The following ACLY variants were observed in gnomAD, a reference collection of about 807,000 sequenced individuals.
ACLY encodes ATP citrate lyase, also known as ATP-citrate synthase.
In ACLY, 41 loss-of-function variants were observed where a neutral mutation model predicts 133.0. That is an observed-to-expected ratio of 0.31 (90% CI 0.24 to 0.40). The LOEUF (loss-of-function observed/expected upper bound fraction) is 0.40. Ranked by LOEUF, ACLY falls within the 10% of genes least tolerant of loss-of-function variation. The pLI is 1.00. For missense variants in ACLY, 1,046 were observed against 1,453.8 expected (o/e 0.72, Z 4.56); for synonymous variants, 495 against 549.3 (o/e 0.90, Z 1.38).
At chr17:41,923,183 T>A (rs959766612), upstream of ACLY, among the ~76,000 whole-genome samples, 2 of 152,112 alleles carry the variant, frequency 1.3e-5, no homozygotes, top group African/African-American at 4.8e-5. Flanking sequence ...AAATAAAAAA[T>A]AAAATAAAAG....
chr17:41,919,043 T>C (rs1237774337), upstream of ACLY: 1 of 1,282,602 alleles, frequency 7.8e-7, no homozygotes, highest in Non-Finnish European at 1.0e-6. Flanking sequence ...GCCCCGCGAT[T>C]GGCCACACGC....
chr17:41,920,631 G>T (rs950532219), upstream of ACLY, among the ~76,000 whole-genome samples: 4 of 149,616 alleles, frequency 2.7e-5, no homozygotes, highest in Admixed American at 6.7e-5. Context: ...TCCAGGCAAG[G>T]CATGCTGTCT....
intron 7 of ACLY, 112 bp from the exon 8 acceptor site, chr17:41,906,758 G>A (rs1487071714): frequency 1.0e-6 from 1 of 992,476 alleles, no homozygotes; most frequent in East Asian, 2.4e-5. Context: ...TGCCTTAATG[G>A]GGTGGGAAGA....
chr17:41,889,524 CAAAAAAAAAAA>C (rs533387140), intron 16 of ACLY, among the ~76,000 whole-genome samples: 25 of 31,604 alleles, frequency 7.9e-4, no homozygotes, highest in South Asian at 2.5e-3. Flanking sequence ...CTCCATTTCA[CAAAAAAAAAAA>C]AAAAAAAAAA....
chr17:41,906,522 G>A lies in ACLY; in HGVS notation c.866+6C>T, dbSNP rs112635514. On this transcript the variant is annotated splice_donor_region_variant and intron_variant, in intron 8 of 28. Transcript: ENST00000352035. The stretch of plus-strand genomic sequence containing the variant: ...TGGCATCCCTTCAGCAACCCCCTTC[G>A]GTCACCTGTACACGACAGAGGCGCC... 5.4e-4 allele frequency: 869 copies of A among 1,612,874 alleles called. 1 individual carries two copies. The highest frequency in any genetic ancestry group is 6.6e-4 in the Non-Finnish European group (778 of 1,179,184).
chr17:41,880,610 A>G lies in ACLY; in HGVS notation c.2266-1686T>C, dbSNP rs564715391. Among the ~76,000 whole-genome samples the G allele has an allele frequency of 5.3e-5, 8 of 152,310 alleles. No homozygotes were observed. The South Asian group carries it at 1.7e-3, about 32-fold the overall frequency. On this transcript the variant is annotated intron_variant, in intron 20 of 28. Coordinates refer to ENST00000352035, the MANE Select transcript of ACLY (RefSeq NM_001096.3). ...CTGGGCGCAGTGGTTCACGCCTGTA[A>G]TCCCAGCACTTTGAGAGGCCGAGAT... is the stretch of plus-strand genomic sequence containing the variant.
chr17:41,884,439 G>A (rs1185220692), intron 18 of ACLY, among the ~76,000 whole-genome samples, 165 bp from the exon 19 acceptor site: 2 of 152,280 alleles, frequency 1.3e-5, no homozygotes, highest in African/African-American at 2.4e-5. Flanking sequence ...GGGGAAGGTA[G>A]CAAATGGAAC....
intron 19 of ACLY, 113 bp downstream of exon 19, chr17:41,884,080 T>C (rs2048989416): frequency 1.5e-6 from 1 of 651,256 alleles, no homozygotes; most frequent in South Asian, 1.8e-5. Flanking sequence ...GGGATGGGAT[T>C]ACCAGGGACT....
At chr17:41,906,897 G>A (rs963487079) in intron 7 of ACLY, among the ~76,000 whole-genome samples, 1 of 152,120 alleles carries the variant, frequency 6.6e-6, no homozygotes, top group African/African-American at 2.4e-5. Context: ...TCAAGTACTT[G>A]GCCCTCTGCC....
At chr17:41,930,497 G>A (rs1469408036) in exon 1 of ACLY, 2 of 494,678 alleles carry the variant, frequency 4.0e-6, no homozygotes, top group East Asian at 3.6e-5. Flanking sequence ...AACCAGCCCA[G>A]CCGTCAGCCA....
intron 5 of ACLY, among the ~76,000 whole-genome samples, 184 bp downstream of exon 5, chr17:41,909,326 C>T (rs963765256): frequency 7.2e-5 from 11 of 152,090 alleles, no homozygotes; most frequent in African/African-American, 2.7e-4. Flanking sequence ...GGGATGCTGG[C>T]GGCATATTTC....
At chr17:41,886,055 C>A (rs2049039096) in intron 18 of ACLY, 57 bp downstream of exon 18, 3 of 1,547,102 alleles carry the variant, frequency 1.9e-6, no homozygotes, top group South Asian at 1.1e-5. Context: ...ACAGCATCGT[C>A]TCCTAGCCCA....
At chr17:41,900,069 CAAAAAA>C (rs60296550) in intron 11 of ACLY, among the ~76,000 whole-genome samples, 3,785 of 46,406 alleles carry the variant, frequency 0.082, 106 homozygotes, top group East Asian at 0.22. Flanking sequence ...ACCCTGTCTC[CAAAAAA>C]AAAAAAAAAA....
intron 1 of ACLY, among the ~76,000 whole-genome samples, chr17:41,914,338 C>T (rs2049991357): frequency 6.6e-6 from 1 of 152,176 alleles, no homozygotes; most frequent in Non-Finnish European, 1.5e-5. Flanking sequence ...CTGACCAGTG[C>T]AGAGTACGGC....
intron 10 of ACLY, 39 bp from the exon 11 acceptor site, chr17:41,901,852 G>A: frequency 5.5e-6 from 8 of 1,446,048 alleles, no homozygotes; most frequent in Non-Finnish European, 7.6e-6. Flanking sequence ...AAACAAGGCA[G>A]CCACAAGTCA....
In ACLY at chr17:41,878,875, G is replaced by A; in HGVS notation, c.2315C>T (p.Ala772Val). Residue 772 changes from alanine (A) to valine (V), a missense_variant, in exon 21 of 29, where the codon GCA (alanine) becomes GTA (valine). Coordinates refer to ENST00000352035, the MANE Select transcript of ACLY (RefSeq NM_001096.3). Reference protein sequence around the residue: ...GACANQASETAVAKNQALKEA... With the variant: ...GACANQASETVVAKNQALKEA... Reference sequence around the variant, plus strand: ...CTTCAAAGCCTGGTTCTTGGCTACTGCAGTTTCAGAAGCCTGGTTGGCACA... The same window carrying A: ...CTTCAAAGCCTGGTTCTTGGCTACTACAGTTTCAGAAGCCTGGTTGGCACA... 6.2e-7 allele frequency: 1 copy of A among 1,614,096 alleles called. No homozygotes were observed. Among genetic ancestry groups the A allele is most frequent in the South Asian group, 1.1e-5 (1 of 91,068 alleles).
At chr17:41,869,191 T>G (rs1401556286) in intron 26 of ACLY, 66 bp from the exon 27 acceptor site, 5 of 1,403,896 alleles carry the variant, frequency 3.6e-6, no homozygotes, top group Non-Finnish European at 5.0e-6. Context: ...AATTTTCCAC[T>G]GTCACTACTA....
Position 41,871,814 on chromosome 17 carries a change from C to T in ACLY, c.2812G>A (p.Ala938Thr), listed in dbSNP as rs1555625098. 2 of 1,614,028 alleles carry T rather than the reference C, an allele frequency of 1.2e-6. No individual in the cohort carries two copies. The highest frequency in any genetic ancestry group is 2.2e-5 in the East Asian group (1 of 44,886). Reference protein sequence around the residue: ...LLTIGDRFGGALDAAAKMFSK... With the variant: ...LLTIGDRFGGTLDAAAKMFSK... ...AACATCTTGGCTGCTGCATCCAAGG[C>T]ACCCCCAAACCGATCCCCCTGGAGG... Residue 938 changes from alanine to threonine, a missense_variant, in exon 25 of 29, where the codon GCC becomes ACC. By Grantham distance (58) the Ala-to-Thr change is moderately conservative (BLOSUM62 0). Around this residue, in one of 4 missense-constraint regions of ACLY, gnomAD observed 205 missense variants for 373.3 expected, o/e 0.55. Coordinates refer to ENST00000352035, the MANE Select transcript of ACLY (RefSeq NM_001096.3).
intron 20 of ACLY, among the ~76,000 whole-genome samples, chr17:41,882,131 G>A (rs1322405349): frequency 6.6e-6 from 1 of 151,920 alleles, no homozygotes; most frequent in Non-Finnish European, 1.5e-5. Context: ...CGCTTTGGGA[G>A]GATGAGGCAG....
Sources: allele counts gnomAD v4.1 joint callset (sites outside exome capture counted in the v4.1 genomes callset), GRCh38; gene constraint gnomAD v4.1.1; regional missense constraint gnomAD v4.1.1; transcripts MANE v1.5; gene names NCBI Gene and HGNC (gene_info 2026-07-23, HGNC 2026-07-21).